The following DOCK2 variants were observed in gnomAD, a reference collection of about 807,000 sequenced individuals.
DOCK2 encodes dedicator of cytokinesis protein 2.
DOCK2 carries 87 observed loss-of-function variants against 248.9 expected under a neutral mutation model. The ratio of observed to expected loss-of-function variants is 0.35; its 90% CI spans 0.29 to 0.42. The LOEUF (loss-of-function observed/expected upper bound fraction) is 0.42. DOCK2 is among the 10% of genes least tolerant of loss of function. The pLI, the probability that DOCK2 is intolerant of heterozygous loss-of-function variation, is 1.00. For synonymous variants in DOCK2, 805 were observed against 821.6 expected (o/e 0.98, Z 0.35); for missense variants, 1,747 against 2,300.2 (o/e 0.76, Z 4.92).
At chr5:169,819,411 A>T (rs1421989508) in intron 26 of DOCK2, among the ~76,000 whole-genome samples, 2 of 152,324 alleles carry the variant, frequency 1.3e-5, no homozygotes, top group Admixed American at 6.5e-5. Context: ...GCTTGAGCTG[A>T]GGAGGTTGAA....
chr5:169,874,784 G>A (rs1581336565), intron 27 of DOCK2, among the ~76,000 whole-genome samples: 1 of 152,168 alleles, frequency 6.6e-6, no homozygotes. Flanking sequence ...GACTGAGAGA[G>A]GTGGGAGGAA....
intron 27 of DOCK2, among the ~76,000 whole-genome samples, chr5:169,952,701 C>A (rs1463938314): frequency 6.6e-6 from 1 of 152,172 alleles, no homozygotes; most frequent in African/African-American, 2.4e-5. Flanking sequence ...CATGCTCCAG[C>A]CAGCCTTGCC....
intron 27 of DOCK2, among the ~76,000 whole-genome samples, chr5:169,966,077 C>T (rs950308304): frequency 2.0e-5 from 3 of 152,126 alleles, no homozygotes; most frequent in Non-Finnish European, 2.9e-5. Flanking sequence ...CTGCCAATCT[C>T]GAAATGGCAA....
At chr5:169,674,265 C>A (rs775108769) in intron 5 of DOCK2, 32 bp from the exon 6 acceptor site, 2 of 1,611,578 alleles carry the variant, frequency 1.2e-6, no homozygotes, top group East Asian at 2.2e-5. Flanking sequence ...CCCTTTAACA[C>A]AGGTAATTAT....
intron 32 of DOCK2, among the ~76,000 whole-genome samples, chr5:170,014,907 A>T (rs1202982911): frequency 6.6e-6 from 1 of 152,194 alleles, no homozygotes; most frequent in Non-Finnish European, 1.5e-5. Flanking sequence ...CTTTTCAAAC[A>T]TCTTTGAGGA....
intron 14 of DOCK2, among the ~76,000 whole-genome samples, chr5:169,706,862 G>A (rs1034210343): frequency 7.9e-5 from 12 of 152,184 alleles, no homozygotes; most frequent in Non-Finnish European, 1.3e-4. Flanking sequence ...TGTGAAGGGC[G>A]AGTCTTCCTT....
chr5:169,801,478 C>T (rs544669813), intron 25 of DOCK2, among the ~76,000 whole-genome samples: 5 of 152,266 alleles, frequency 3.3e-5, no homozygotes, highest in Admixed American at 2.0e-4. Context: ...GATTCATGCA[C>T]GACACTTGCA....
At position 169,929,149 on chromosome 5, in the gene DOCK2, T is replaced by C. The variant is rs185004871; in HGVS notation, c.2800-53919T>C. ...TGCCTATGCAGGAAGCCCACGCACA[T>C]AGCACTTAGGCATAGCAGGGGGTTA... is the stretch of plus-strand genomic sequence containing the variant. On this transcript the variant is annotated intron_variant, in intron 27 of 51. Transcript: ENST00000520908. Among the ~76,000 whole-genome samples, 51 of 152,316 alleles carry C rather than the reference T, an allele frequency of 3.3e-4. 1 individual carries two copies. In the East Asian group the frequency reaches 7.2e-3, roughly 21 times the overall value.
intron 29 of DOCK2, among the ~76,000 whole-genome samples, chr5:169,991,697 C>T (rs1778214231): frequency 6.6e-6 from 1 of 152,232 alleles, no homozygotes; most frequent in Non-Finnish European, 1.5e-5. Context: ...GCGTGCATGG[C>T]AGGCATTAGT....
chr5:170,025,828 C>CTTCCTTCCTTCT (rs1561886505), intron 33 of DOCK2, among the ~76,000 whole-genome samples: 1 of 122,208 alleles, frequency 8.2e-6, no homozygotes, highest in African/African-American at 3.3e-5. Context: ...TCCTTCCTTC[C>CTTCCTTCCTTCT]TTCCTTCCTT....
At chr5:170,058,468 G>A (rs150574169) in intron 44 of DOCK2, among the ~76,000 whole-genome samples, 74 of 152,144 alleles carry the variant, frequency 4.9e-4, no homozygotes, top group African/African-American at 1.8e-3. Context: ...ATATATGAGG[G>A]ATTGCTATTT....
At chr5:169,643,303 G>C (rs1757252736) in intron 1 of DOCK2, among the ~76,000 whole-genome samples, 1 of 152,018 alleles carries the variant, frequency 6.6e-6, no homozygotes, top group Non-Finnish European at 1.5e-5. Flanking sequence ...CGCCAATGTG[G>C]ACACTTTCCA....
chr5:169,673,571 A>G lies in DOCK2; in HGVS notation c.322-726A>G, dbSNP rs529570140. 3.1e-4 allele frequency among the ~76,000 whole-genome samples: 47 copies of G among 152,282 alleles called. 2 individuals carry two copies. In the South Asian group the frequency reaches 9.3e-3, roughly 30 times the overall value. On this transcript the variant is annotated intron_variant, in intron 5 of 51. Transcript: ENST00000520908. ...GGTCTTGCTCTGTCACCCCCGCTGG[A>G]GTGCAGTGGGACCATCATAGCTCAC...
chr5:169,979,497 G>C, intron 27 of DOCK2, among the ~76,000 whole-genome samples: 1 of 152,150 alleles, frequency 6.6e-6, no homozygotes, highest in East Asian at 1.9e-4. Flanking sequence ...AAATCCAAAT[G>C]ACAGAAAGGA....
intron 12 of DOCK2, 28 bp downstream of exon 12, chr5:169,699,486 A>G (rs1288057902): frequency 1.3e-6 from 2 of 1,596,590 alleles, no homozygotes; most frequent in African/African-American, 1.3e-5. Context: ...CAGTGGGCTG[A>G]GCCTGCTCCA....
At chr5:169,993,591 T>C (rs916466334) in intron 29 of DOCK2, among the ~76,000 whole-genome samples, 2 of 130,250 alleles carry the variant, frequency 1.5e-5, no homozygotes, top group African/African-American at 5.7e-5. Context: ...ATCCTGTGAT[T>C]CCAGTGCCAG....
At chr5:169,952,981 A>C (rs1348995472) in intron 27 of DOCK2, among the ~76,000 whole-genome samples, 1 of 152,218 alleles carries the variant, frequency 6.6e-6, no homozygotes, top group Non-Finnish European at 1.5e-5. Context: ...GTTATTCAAT[A>C]TACTTATTTA....
chr5:170,047,786 C>T (rs1408644051), intron 40 of DOCK2, among the ~76,000 whole-genome samples, 172 bp downstream of exon 40: 1 of 152,164 alleles, frequency 6.6e-6, no homozygotes, highest in Non-Finnish European at 1.5e-5. Flanking sequence ...TCATAATCAC[C>T]AGCATTTCTC....
chr5:169,718,511 CAG>C (rs1762021206), intron 21 of DOCK2, 144 bp from the exon 22 acceptor site: 2 of 756,700 alleles, frequency 2.6e-6, no homozygotes, highest in South Asian at 3.7e-5. Flanking sequence ...AATTTTTATG[CAG>C]AGTTATCTTT....
Sources: allele counts gnomAD v4.1 joint callset (sites outside exome capture counted in the v4.1 genomes callset), GRCh38; gene constraint gnomAD v4.1.1; transcripts MANE v1.5; gene names NCBI Gene and HGNC (gene_info 2026-07-23, HGNC 2026-07-21).